The following DPP4 variants were observed in gnomAD, a reference collection of about 807,000 sequenced individuals.
DPP4 encodes the protein ADCP-2.
In DPP4, 93 loss-of-function variants were observed where a neutral mutation model predicts 122.4. That is an observed-to-expected ratio of 0.76 (90% confidence interval 0.64 to 0.90). The LOEUF is 0.90. Ranked by LOEUF, DPP4 falls within the 40% of genes least tolerant of loss-of-function variation. The pLI, the probability that DPP4 is intolerant of heterozygous loss-of-function variation, is 0.00. For missense variants in DPP4, 914 were observed against 907.3 expected (o/e 1.01, Z -0.09); for synonymous variants, 321 against 302.9 (o/e 1.06, Z -0.62).
chr2:162,007,766 A>G (rs1277826904), intron 22 of DPP4, among the ~76,000 whole-genome samples: 2 of 152,154 alleles, frequency 1.3e-5, no homozygotes. Flanking sequence ...TTCTTAACAG[A>G]AAGATATAAA....
intron 5 of DPP4, among the ~76,000 whole-genome samples, chr2:162,044,179 TAAAC>T (rs1684093624): frequency 6.6e-6 from 1 of 152,202 alleles, no homozygotes; most frequent in Admixed American, 6.5e-5. Flanking sequence ...AGCACTTAAT[TAAAC>T]AAACAATAAT....
rs751419458 is a variant in DPP4 at position 162,011,951 on chromosome 2, G to T, written c.1674C>A (p.Val558=). ...AGPCSQKADT[V]FRLNWATYLA... ...GGTAAGTGGCCCAGTTCAGTCTGAA[G>T]ACAGTGTCTGCTTTTTGACTACATG... is the stretch of plus-strand genomic sequence containing the variant. Residue 558 remains valine, a synonymous_variant, in exon 20 of 26, where the codon GTC becomes GTA. Transcript: ENST00000360534. 3.1e-6 allele frequency: 5 copies of T among 1,613,642 alleles called. No homozygotes were observed. Among genetic ancestry groups the T allele is most frequent in the South Asian group, 2.2e-5 (2 of 91,048 alleles).
At chr2:162,061,395 T>TC (rs989588951) in intron 2 of DPP4, among the ~76,000 whole-genome samples, 26 of 152,368 alleles carry the variant, frequency 1.7e-4, no homozygotes, top group Non-Finnish European at 1.8e-4. Context: ...TCTTGATCTA[T>TC]CCCTTACTAC....
intron 2 of DPP4, among the ~76,000 whole-genome samples, chr2:162,054,443 C>T (rs1043907816): frequency 3.9e-5 from 6 of 152,110 alleles, no homozygotes; most frequent in South Asian, 2.1e-4. Flanking sequence ...ATGCATTTTG[C>T]GTACGAAAAG....
At chr2:162,052,215 G>A (rs1407495890) in intron 2 of DPP4, among the ~76,000 whole-genome samples, 1 of 151,460 alleles carries the variant, frequency 6.6e-6, no homozygotes, top group Non-Finnish European at 1.5e-5. Flanking sequence ...CTACTCAGGA[G>A]GCTGAGGCAG....
intron 9 of DPP4, among the ~76,000 whole-genome samples, chr2:162,034,149 A>G (rs539812636): frequency 4.9e-4 from 74 of 152,204 alleles, no homozygotes; most frequent in African/African-American, 1.7e-3. Flanking sequence ...TTAGGAAGCC[A>G]TCATTTCCAC....
chr2:162,042,123 G>T (rs1240886671), intron 5 of DPP4, among the ~76,000 whole-genome samples: 1 of 152,146 alleles, frequency 6.6e-6, no homozygotes, highest in East Asian at 1.9e-4. Flanking sequence ...AAGAGCAAAG[G>T]CTTTGGAGTC....
intron 2 of DPP4, among the ~76,000 whole-genome samples, chr2:162,065,573 C>T (rs1198644399): frequency 3.3e-5 from 5 of 152,128 alleles, no homozygotes; most frequent in Non-Finnish European, 1.5e-5. Context: ...TCCTTGAAGC[C>T]CAAAACATCC....
intron 5 of DPP4, among the ~76,000 whole-genome samples, chr2:162,043,883 C>A (rs1158286118): frequency 6.6e-6 from 1 of 152,152 alleles, no homozygotes; most frequent in African/African-American, 2.4e-5. Flanking sequence ...TGAAAATTAG[C>A]AGGGCATGGT....
chr2:162,046,646 G>C (rs1329119269), intron 4 of DPP4: 1 of 536,320 alleles, frequency 1.9e-6, no homozygotes, highest in African/African-American at 1.9e-5. Context: ...CACCAAAGGA[G>C]AGCATGCAAA....
rs1047902359 is a variant in DPP4 at position 162,027,693 on chromosome 2, G to T, written c.888-2754C>A. On this transcript the variant is annotated intron_variant, in intron 10 of 25. Coordinates refer to ENST00000360534, the MANE Select transcript of DPP4 (RefSeq NM_001935.4). ...TTGACAATAATTAGTGGATCACCCA[G>T]TACTAAATAGCTTTATCTATTAACA... Among the ~76,000 whole-genome samples, 3 of 152,184 alleles carry T rather than the reference G, an allele frequency of 2.0e-5. No homozygotes were observed. The South Asian group carries it at 6.2e-4, about 32-fold the overall frequency.
chr2:162,069,845 AG>A (rs1231462336), intron 2 of DPP4, among the ~76,000 whole-genome samples: 1 of 152,206 alleles, frequency 6.6e-6, no homozygotes, highest in Non-Finnish European at 1.5e-5. Flanking sequence ...TGGATGGGTG[AG>A]CAGTCAAATT....
chr2:162,032,657 C>T (rs530011179), intron 10 of DPP4, among the ~76,000 whole-genome samples: 84 of 151,048 alleles, frequency 5.6e-4, no homozygotes, highest in Non-Finnish European at 4.9e-4. Context: ...CTAGCCTGGG[C>T]GACAGAGCAA....
At chr2:162,038,546 G>A (rs1683870185) in intron 7 of DPP4, 124 bp from the exon 8 acceptor site, 5 of 1,078,610 alleles carry the variant, frequency 4.6e-6, no homozygotes, top group Admixed American at 2.9e-5. Flanking sequence ...CATTCAAACA[G>A]GAAGAGTCAT....
At chr2:162,061,006 C>CCTTCCTTCCTTCCT (rs1684754472) in intron 2 of DPP4, among the ~76,000 whole-genome samples, 1 of 81,470 alleles carries the variant, frequency 1.2e-5, no homozygotes, top group African/African-American at 6.3e-5. Flanking sequence ...CCCTCCCTCC[C>CCTTCCTTCCTTCCT]TCCTTCCTTC....
chr2:162,032,576 G>A (rs1032733441), intron 10 of DPP4, among the ~76,000 whole-genome samples: 3 of 152,078 alleles, frequency 2.0e-5, no homozygotes, highest in Non-Finnish European at 4.4e-5. Flanking sequence ...GTACTCAGGA[G>A]GCTGAGGCAG....
intron 9 of DPP4, 133 bp downstream of exon 9, chr2:162,035,031 T>C: frequency 1.3e-6 from 1 of 799,952 alleles, no homozygotes; most frequent in Middle Eastern, 3.4e-4. Context: ...CAGATGCTGT[T>C]GACTTCAGCA....
chr2:161,996,079 A>T (rs540043977), intron 23 of DPP4, among the ~76,000 whole-genome samples: 1,874 of 146,122 alleles, frequency 0.013, 34 homozygotes, highest in East Asian at 0.098. Context: ...AAATAGGATA[A>T]AAAAAAAAAT....
At chr2:162,033,709 T>C (rs1395378607) in intron 9 of DPP4, 56 bp from the exon 10 acceptor site, 45 of 1,183,322 alleles carry the variant, frequency 3.8e-5, no homozygotes, top group Non-Finnish European at 5.3e-5. Flanking sequence ...GTAACATCGT[T>C]GCACACATTT....
Sources: gnomAD v4.1 joint callset for allele counts (sites outside exome capture counted in the v4.1 genomes callset) on GRCh38, gnomAD v4.1.1 for gene constraint, MANE v1.5 for transcripts, NCBI Gene and HGNC (gene_info 2026-07-23, HGNC 2026-07-21) for gene names.